Variants in TRIB2 observed in about 807,000 individuals in gnomAD.
TRIB2 encodes tribbles pseudokinase 2.
TRIB2 carries 2 observed loss-of-function variants against 26.8 expected under a neutral mutation model. The ratio of observed to expected loss-of-function variants is 0.07; its 90% CI spans 0.03 to 0.24. The LOEUF is 0.24. Ranked by LOEUF, TRIB2 falls within the 10% of genes least tolerant of loss-of-function variation. The pLI is 1.00. For missense variants in TRIB2, 306 were observed against 449.0 expected, an observed-to-expected ratio of 0.68 and a Z score of 2.88; for synonymous variants, 189 against 187.3, an observed-to-expected ratio of 1.01 and a Z score of -0.08.
At chr2:12,737,872 TC>T (rs1558320301) in intron 2 of TRIB2, among the ~76,000 whole-genome samples, 1 of 152,178 alleles carries the variant, frequency 6.6e-6, no homozygotes, top group African/African-American at 2.4e-5. Flanking sequence ...TTTAAAGACT[TC>T]CTTGTCTAGT....
intron 2 of TRIB2, among the ~76,000 whole-genome samples, chr2:12,736,639 G>C (rs1661578687): frequency 6.6e-6 from 1 of 152,180 alleles, no homozygotes; most frequent in African/African-American, 2.4e-5. Context: ...CAGCAGGACA[G>C]TCCCTGTCAT....
At chr2:12,734,043 C>G (rs532997114) in intron 2 of TRIB2, among the ~76,000 whole-genome samples, 3 of 152,282 alleles carry the variant, frequency 2.0e-5, no homozygotes, top group African/African-American at 7.2e-5. Flanking sequence ...CACAGGCTGC[C>G]CACGTGTAAG....
rs929378744 is a variant in TRIB2, at chr2:12,717,819, T to C, written c.-489T>C. 4.7e-5 allele frequency: 12 copies of C among 256,472 alleles called. No individual in the cohort carries two copies. Among genetic ancestry groups the C allele is most frequent in the Non-Finnish European group, 7.3e-5 (10 of 137,026 alleles). 15.9% of individuals were successfully genotyped at this position (256,472 alleles called of 1,614,324 possible). ...GACCCGTGCTTGTTTCCTTTCTCTTTTTGTTTGGCTTCTAACGCGTTGGGA... is the reference window on the plus strand; with the variant it reads ...GACCCGTGCTTGTTTCCTTTCTCTTCTTGTTTGGCTTCTAACGCGTTGGGA... On this transcript the variant is annotated 5_prime_UTR_variant, in exon 1 of 3. Transcript: ENST00000155926. This position sits in a 1 kb window ranked among gnomAD's most constrained non-coding sequence, Gnocchi z 4.8.
rs1420127452 is a variant in TRIB2 at position 12,742,676 on chromosome 2, G to C, written c.*1882G>C. On this transcript the variant is annotated 3_prime_UTR_variant, in exon 3 of 3. Coordinates refer to ENST00000155926, the MANE Select transcript of TRIB2 (RefSeq NM_021643.4). ...GCCTCTGGTGCTTTGTCCTGTATTT[G>C]GTTTAATGTTTTTGTCCTAATCTCT... is the stretch of plus-strand genomic sequence containing the variant. 6.9e-6 allele frequency: 1 copy of C among 144,814 alleles called. No individual in the cohort carries two copies. Among genetic ancestry groups the C allele is most frequent in the African/African-American group, 2.5e-5 (1 of 40,238 alleles). The allele number at this position is 144,814 out of a possible 1,614,324, so 9.0% of individuals were successfully genotyped here.
intron 2 of TRIB2, chr2:12,724,818 T>G (rs773280939): frequency 6.2e-7 from 1 of 1,611,860 alleles, no homozygotes. Context: ...TGTATGTGCT[T>G]CTTTGAATAT....
chr2:12,717,912 A>T lies in TRIB2; in HGVS notation c.-396A>T. On this transcript the variant is annotated 5_prime_UTR_variant, in exon 1 of 3. Coordinates refer to ENST00000155926, the MANE Select transcript of TRIB2 (RefSeq NM_021643.4). This position sits in a 1 kb window ranked among gnomAD's most constrained non-coding sequence, Gnocchi z 4.8. ...CGCGGGCTCCTCCGCCCCGTCTGCG[A>T]TTCGGAAGCCGGCCTGGGGGTCGCG... is the stretch of plus-strand genomic sequence containing the variant. 1 of 243,256 alleles carries T rather than the reference A, an allele frequency of 4.1e-6. No individual in the cohort carries two copies. Among genetic ancestry groups the T allele is most frequent in the Non-Finnish European group, 7.9e-6 (1 of 126,586 alleles). The allele number at this position is 243,256 out of a possible 1,614,324, so 15.1% of individuals were successfully genotyped here.
intron 2 of TRIB2, among the ~76,000 whole-genome samples, chr2:12,730,068 A>C (rs1357296061): frequency 6.6e-6 from 1 of 152,186 alleles, no homozygotes. Context: ...GCCAGGCACT[A>C]TTCTTGGTGC....
At position 12,740,239 on chromosome 2, in the gene TRIB2, A is replaced by G; in HGVS notation, c.564-87A>G. On this transcript the variant is annotated intron_variant, in intron 2 of 2. Coordinates refer to ENST00000155926, the MANE Select transcript of TRIB2 (RefSeq NM_021643.4). The surrounding 1 kb of genome is among the most constrained non-coding windows in gnomAD (Gnocchi z 5.8). Reference sequence around the variant, plus strand: ...ATGAATGTGAATGAGGAGTCTTCAGAAACACTATAGTCGGTTATGTTATGA... The same window carrying G: ...ATGAATGTGAATGAGGAGTCTTCAGGAACACTATAGTCGGTTATGTTATGA... 9 of 1,299,350 alleles carry G rather than the reference A, an allele frequency of 6.9e-6. No homozygotes were observed. The highest frequency in any genetic ancestry group is 9.7e-6 in the Non-Finnish European group (9 of 927,976). 80.5% of individuals were successfully genotyped at this position (1,299,350 alleles called of 1,614,324 possible). A position where few individuals can be genotyped will look rare whatever the true frequency, so the allele number is the denominator to read the frequency against.
chr2:12,720,868 A>G (rs1459194701), intron 1 of TRIB2, among the ~76,000 whole-genome samples: 1 of 152,320 alleles, frequency 6.6e-6, no homozygotes, highest in Non-Finnish European at 1.5e-5. Context: ...GTATGTTTTC[A>G]TGGAGATACT....
intron 2 of TRIB2, 56 bp downstream of exon 2, chr2:12,723,608 C>A: frequency 6.4e-7 from 1 of 1,552,210 alleles, no homozygotes; most frequent in Non-Finnish European, 8.7e-7. Context: ...CTAACAACAG[C>A]TTCCTAGAAA....
intron 2 of TRIB2, among the ~76,000 whole-genome samples, chr2:12,726,505 A>G (rs1661343342): frequency 6.6e-6 from 1 of 152,102 alleles, no homozygotes; most frequent in Admixed American, 6.5e-5. Flanking sequence ...GCTGCTGGGA[A>G]CTCTCATCTT....
At chr2:12,724,750 C>CTGTTA in intron 2 of TRIB2, 1 of 1,612,904 alleles carries the variant, frequency 6.2e-7, no homozygotes, top group South Asian at 1.1e-5. Flanking sequence ...ATTTCTCCTT[C>CTGTTA]TGTTACCTTC....
At chr2:12,726,208 T>C (rs1444808178) in intron 2 of TRIB2, among the ~76,000 whole-genome samples, 1 of 152,270 alleles carries the variant, frequency 6.6e-6, no homozygotes, top group Non-Finnish European at 1.5e-5. Flanking sequence ...TTTTTTGTTT[T>C]TCTAAAATCC....
chr2:12,727,910 C>T (rs1405600439), intron 2 of TRIB2, among the ~76,000 whole-genome samples: 1 of 152,130 alleles, frequency 6.6e-6, no homozygotes, highest in East Asian at 1.9e-4. Flanking sequence ...CCCCAAAGTG[C>T]GTGCCCTGTG....
chr2:12,721,771 A>G (rs1661226010), intron 1 of TRIB2, among the ~76,000 whole-genome samples: 2 of 152,074 alleles, frequency 1.3e-5, no homozygotes, highest in South Asian at 2.1e-4. Flanking sequence ...GTTAGCAGCA[A>G]CTCTTGAGGT....
At position 12,732,927 on chromosome 2, in the gene TRIB2, T is replaced by G. The variant is rs2103256482; in HGVS notation, c.564-7399T>G. On this transcript the variant is annotated intron_variant, in intron 2 of 2. Coordinates refer to ENST00000155926, the MANE Select transcript of TRIB2 (RefSeq NM_021643.4). This position sits in a 1 kb window ranked among gnomAD's most constrained non-coding sequence, Gnocchi z 4.2. ...ACGGCCTTCAGTGACTTCTCTGGAT[T>G]TCACTGACCTTAGGCCACCGGACTT... Among the ~76,000 whole-genome samples, 1 of 152,244 alleles carries G rather than the reference T, an allele frequency of 6.6e-6. No individual in the cohort carries two copies. The highest frequency in any genetic ancestry group is 1.5e-5 in the Non-Finnish European group (1 of 68,014).
In TRIB2 at chr2:12,740,244, C is replaced by G; in HGVS notation, c.564-82C>G. The G allele has an allele frequency of 7.5e-7, 1 of 1,331,196 alleles. No individual in the cohort carries two copies. The highest frequency in any genetic ancestry group is 1.1e-6 in the Non-Finnish European group (1 of 951,826). 82.5% of individuals were successfully genotyped at this position (1,331,196 alleles called of 1,614,324 possible). ...TGTGAATGAGGAGTCTTCAGAAACA[C>G]TATAGTCGGTTATGTTATGATGCTG... is the stretch of plus-strand genomic sequence containing the variant. On this transcript the variant is annotated intron_variant, in intron 2 of 2. Transcript: ENST00000155926. The surrounding 1 kb of genome is among the most constrained non-coding windows in gnomAD (Gnocchi z 5.8).
At chr2:12,726,466 G>T (rs1418769850) in intron 2 of TRIB2, among the ~76,000 whole-genome samples, 2 of 152,146 alleles carry the variant, frequency 1.3e-5, no homozygotes, top group African/African-American at 4.8e-5. Flanking sequence ...CAAGTGTCAG[G>T]GGCCCAGGAC....
chr2:12,729,594 A>G (rs1215156245), intron 2 of TRIB2, among the ~76,000 whole-genome samples: 1 of 152,156 alleles, frequency 6.6e-6, no homozygotes, highest in African/African-American at 2.4e-5. Context: ...TATTTAAGAC[A>G]TTGTTTTCAG....
Sources: gnomAD v4.1 joint callset for allele counts (sites outside exome capture counted in the v4.1 genomes callset) on GRCh38, gnomAD v4.1.1 for gene constraint, Gnocchi (gnomAD v3.1) non-coding constraint, MANE v1.5 for transcripts, NCBI Gene and HGNC (gene_info 2026-07-23, HGNC 2026-07-21) for gene names.